PRAME: variants seen among roughly 807,000 people sequenced by gnomAD.
The protein encoded by PRAME is PRAME nuclear receptor transcriptional regulator, also known as melanoma antigen preferentially expressed in tumors.
A neutral mutation model predicts 32.1 loss-of-function variants in PRAME; 21 were observed. The observed-to-expected ratio is 0.65, with a 90% CI of 0.46 to 0.94. The LOEUF is 0.94. Among genes scored for constraint, PRAME ranks in the 40% least tolerant of loss-of-function variants. PRAME has a pLI of 0.00. For synonymous variants in PRAME, 274 were observed against 251.5 expected, an observed-to-expected ratio of 1.09 and a Z score of -0.85; for missense variants, 651 against 622.3, an observed-to-expected ratio of 1.05 and a Z score of -0.49.
At position 22,556,793 on chromosome 22, in the gene PRAME, G is replaced by T. The variant is rs369615433; in HGVS notation, c.21+19C>A. The T allele has an allele frequency of 2.2e-5, 36 of 1,612,528 alleles. No homozygotes were observed. The highest frequency in any genetic ancestry group is 3.3e-4 in the Middle Eastern group (2 of 6,066). ...AGGGCTTCTCTGAGCACCTCAGACA[G>T]CTCAGGGGACCTTCTTACCCACAAA... is the stretch of plus-strand genomic sequence containing the variant. On this transcript the variant is annotated intron_variant, in intron 3 of 5. Transcript: ENST00000405655.
intron 3 of PRAME, chr22:22,552,831 G>C: frequency 2.1e-6 from 1 of 470,764 alleles, no homozygotes. Flanking sequence ...TGGTGCAGAA[G>C]CCATCTGCCC....
chr22:22,548,608 G>A lies in PRAME; in HGVS notation c.989C>T (p.Thr330Ile), dbSNP rs1176026852. ...VMNPLETLSI[T>I]NCRLSEGDVM... ...ATCCCCTTCCGAAAGCCGGCAGTTA[G>A]TTATTGAGAGGGTTTCCAAGGGGTT... is the stretch of plus-strand genomic sequence containing the variant. The change falls in exon 6 of 6, where the codon ACT (threonine) becomes ATT (isoleucine). Residue 330 changes from threonine (T) to isoleucine (I), a missense_variant. Physicochemically the swap from Thr to Ile is moderately conservative, Grantham distance 89. Coordinates refer to ENST00000405655, the MANE Select transcript of PRAME (RefSeq NM_206956.3). 2 of 1,607,758 alleles carry A rather than the reference G, an allele frequency of 1.2e-6. No individual in the cohort carries two copies. Among genetic ancestry groups the A allele is most frequent in the Non-Finnish European group, 8.5e-7 (1 of 1,179,622 alleles).
At chr22:22,552,080 C>T (rs539231089) in intron 3 of PRAME, among the ~76,000 whole-genome samples, 1 of 142,860 alleles carries the variant, frequency 7.0e-6, no homozygotes, top group East Asian at 2.1e-4. Context: ...CCCAGGAGTT[C>T]AAGACCAGCC....
rs745759859 is a variant in PRAME, at chr22:22,548,276, A to G, written c.1321T>C (p.Tyr441His). 1 of 1,613,708 alleles carries G rather than the reference A, an allele frequency of 6.2e-7. No homozygotes were observed. The highest frequency in any genetic ancestry group is 8.5e-7 in the Non-Finnish European group (1 of 1,179,962). Residue 441 changes from tyrosine (Y) to histidine (H), a missense_variant, in exon 6 of 6, where the codon TAT (tyrosine) becomes CAT (histidine). By Grantham distance (83) the Tyr-to-His change is moderately conservative. Transcript: ENST00000405655. The part of the protein sequence containing the change: ...IGLSNLTHVL[Y>H]PVPLESYEDI... ...TCATAACTCTCCAGGGGGACAGGAT[A>G]CAGCACGTGGGTCAGATTGCTCAGC...
chr22:22,553,930 CTAAG>C, intron 3 of PRAME: 1 of 985,150 alleles, frequency 1.0e-6, no homozygotes, highest in South Asian at 4.7e-5. Context: ...CAGCCCCTTC[CTAAG>C]TATTACTAAT....
In PRAME at chr22:22,548,212, T is replaced by C. The variant is rs750710298; in HGVS notation, c.1385A>G (p.Tyr462Cys). The change falls in exon 6 of 6, where the codon TAT becomes TGT. Residue 462 changes from tyrosine to cysteine, a missense_variant. Tyr to Cys is a radical substitution (Grantham distance 194, BLOSUM62 -2). Coordinates refer to ENST00000405655, the MANE Select transcript of PRAME (RefSeq NM_206956.3). ...CAACTCCCTGAGCCTGGCATGCAGATAGGCAAGCCTCTCCAGGTGGAGGGT... is the reference window on the plus strand; with the variant it reads ...CAACTCCCTGAGCCTGGCATGCAGACAGGCAAGCCTCTCCAGGTGGAGGGT... ...HGTLHLERLA[Y>C]LHARLRELLC... 14 of 1,613,718 alleles carry C rather than the reference T, an allele frequency of 8.7e-6. No individual in the cohort carries two copies. In the South Asian group the frequency reaches 1.1e-4, roughly 13 times the overall value.
rs2062893313 is a variant in PRAME, at chr22:22,556,022, TCA to T, written c.21+788_21+789del. 7.4e-6 allele frequency: 3 copies of T among 403,444 alleles called. No homozygotes were observed. In the Admixed American group the frequency reaches 7.9e-5, roughly 11 times the overall value. The allele number at this position is 403,444 out of a possible 1,614,324, so 25.0% of individuals were successfully genotyped here. A position where few individuals can be genotyped will look rare whatever the true frequency, so the allele number is the denominator to read the frequency against. On this transcript the variant is annotated intron_variant, in intron 3 of 5. Transcript: ENST00000405655. ...TTTTTTTTTTTTTGGAGGAGGAGTTTCACTCTTGTTGCCCAGGCTAGAGTGCA... is the reference window on the plus strand; with the variant it reads ...TTTTTTTTTTTTTGGAGGAGGAGTTTCTCTTGTTGCCCAGGCTAGAGTGCA...
intron 3 of PRAME, among the ~76,000 whole-genome samples, chr22:22,551,636 A>T (rs1421638147): frequency 9.3e-6 from 1 of 107,018 alleles, no homozygotes; most frequent in Non-Finnish European, 2.0e-5. Context: ...AAGTACAATA[A>T]AAAAAAAACA....
Position 22,549,758 on chromosome 22 carries a change from A to T in PRAME, c.921T>A (p.Phe307Leu), listed in dbSNP as rs747496498. ...ACTGATCCAGGCGGCCTCTAAGGAA[A>T]AATAAAGAGTCCACATAGAGAGCCT... ...CLQALYVDSL[F>L]FLRGRLDQLL... Residue 307 changes from phenylalanine (F) to leucine (L), a missense_variant, in exon 5 of 6, where the codon TTT becomes TTA. Coordinates refer to ENST00000405655, the MANE Select transcript of PRAME (RefSeq NM_206956.3). 26 of 1,609,142 alleles carry T rather than the reference A, an allele frequency of 1.6e-5. 2 individuals are homozygous for T. The South Asian group carries it at 2.9e-4, about 18-fold the overall frequency.
intron 5 of PRAME, among the ~76,000 whole-genome samples, chr22:22,549,517 GC>G (rs1264540165): frequency 2.6e-5 from 4 of 152,004 alleles, no homozygotes; most frequent in African/African-American, 9.6e-5. Context: ...ACTGTTAATA[GC>G]ATCTATCCTA....
At position 22,550,017 on chromosome 22, in the gene PRAME, T is replaced by C; in HGVS notation, c.662A>G (p.Gln221Arg). The change falls in exon 5 of 6, where the codon CAG becomes CGG. Residue 221 changes from glutamine (Q) to arginine (R), a missense_variant. By Grantham distance (43) the Gln-to-Arg change is conservative. Coordinates refer to ENST00000405655, the MANE Select transcript of PRAME (RefSeq NM_206956.3). ...KKLKIFAMPM[Q>R]DIKMILKMVQ... is the part of the protein sequence containing the mutation. ...CATTTTCAGGATCATCTTGATATCC[T>C]GCATGGGCATTGCAAAAATCTTCAG... is the stretch of plus-strand genomic sequence containing the variant. 2.5e-6 allele frequency: 4 copies of C among 1,613,896 alleles called. No individual in the cohort carries two copies. The highest frequency in any genetic ancestry group is 3.4e-6 in the Non-Finnish European group (4 of 1,179,966).
chr22:22,550,740 C>T (rs748205560), intron 4 of PRAME, 27 bp downstream of exon 4: 1 of 1,548,104 alleles, frequency 6.5e-7, no homozygotes, highest in Non-Finnish European at 8.7e-7. Flanking sequence ...CCCAGGGCCC[C>T]ACACCAAGCT....
At chr22:22,548,731 G>C (rs956800769) in intron 5 of PRAME, 88 bp from the exon 6 acceptor site, 9 of 1,246,906 alleles carry the variant, frequency 7.2e-6, no homozygotes, top group Non-Finnish European at 8.9e-6. Context: ...AAAACCCAAA[G>C]TCTTCCTGAT....
chr22:22,548,869 G>A (rs190419590), intron 5 of PRAME, among the ~76,000 whole-genome samples: 68 of 151,944 alleles, frequency 4.5e-4, no homozygotes, highest in Non-Finnish European at 6.8e-4. Context: ...CACTCCCTTG[G>A]CTCATCTGTG....
At chr22:22,551,200 C>A in intron 3 of PRAME, 111 bp from the exon 4 acceptor site, 1 of 1,007,150 alleles carries the variant, frequency 9.9e-7, no homozygotes, top group Non-Finnish European at 1.5e-6. Flanking sequence ...ACTGTGCTAG[C>A]AACAGCAGGG....
Position 22,549,875 on chromosome 22 carries a change from GGA to G in PRAME, c.802_803del (p.Ser268ProfsTer42). On this transcript the variant is annotated frameshift_variant, in exon 5 of 6. Coordinates refer to ENST00000405655, the MANE Select transcript of PRAME (RefSeq NM_206956.3). LOFTEE classifies it high-confidence loss of function. ...AAATGTAGGAAGATGCATGGATGTG[GGA>G]GAGGAGGAGTCTACGCAGATTAATC... ...QMINLRRLLL[S>X]HIHASSYISP... is the part of the protein sequence containing the mutation. 2 of 1,613,870 alleles carry G rather than the reference GGA, an allele frequency of 1.2e-6. No individual in the cohort carries two copies. The highest frequency in any genetic ancestry group is 2.2e-5 in the South Asian group (2 of 91,060).
intron 3 of PRAME, among the ~76,000 whole-genome samples, chr22:22,552,303 T>C (rs1179128906): frequency 6.6e-6 from 1 of 150,676 alleles, no homozygotes; most frequent in African/African-American, 2.4e-5. Flanking sequence ...AACTAGTAAA[T>C]CACTGATTTA....
chr22:22,557,293 G>C, intron 2 of PRAME: 1 of 212,684 alleles, frequency 4.7e-6, no homozygotes, highest in Non-Finnish European at 9.7e-6. Context: ...TTACAAATGC[G>C]CACCCACCCT....
At chr22:22,550,704 G>A in intron 4 of PRAME, 63 bp downstream of exon 4, 1 of 1,492,734 alleles carries the variant, frequency 6.7e-7, no homozygotes, top group Non-Finnish European at 9.0e-7. Context: ...CATGCTCCCT[G>A]ACCCCAGCTG....
Sources: gnomAD v4.1 joint callset for allele counts (sites outside exome capture counted in the v4.1 genomes callset) on GRCh38, gnomAD v4.1.1 for gene constraint, MANE v1.5 for transcripts, NCBI Gene and HGNC (gene_info 2026-07-23, HGNC 2026-07-21) for gene names.